Variants in CSNK1G1 observed in about 807,000 individuals in gnomAD.
The protein encoded by CSNK1G1 is casein kinase 1 gamma 1.
CSNK1G1 carries 22 observed loss-of-function variants against 59.6 expected under a neutral mutation model. The observed-to-expected ratio is 0.37, with a 90% CI of 0.26 to 0.53. The LOEUF (loss-of-function observed/expected upper bound fraction) is 0.53. CSNK1G1 is among the 20% of genes least tolerant of loss of function. The pLI is 0.89. For missense variants in CSNK1G1, 384 were observed against 519.5 expected (o/e 0.74, Z 2.54); for synonymous variants, 179 against 177.1 (o/e 1.01, Z -0.08).
chr15:64,322,967 C>G (rs570756668), intron 1 of CSNK1G1, among the ~76,000 whole-genome samples: 6 of 151,798 alleles, frequency 4.0e-5, no homozygotes, highest in African/African-American at 2.4e-5. Context: ...CTCTGTTGCC[C>G]AGGCTGGAGT....
At chr15:64,278,536 C>T (rs1443109796) in intron 2 of CSNK1G1, among the ~76,000 whole-genome samples, 7 of 151,634 alleles carry the variant, frequency 4.6e-5, no homozygotes, top group African/African-American at 1.2e-4. Flanking sequence ...TCAAGCGATT[C>T]GCCTGCCTTA....
At chr15:64,186,897 C>G (rs2140221106) in intron 10 of CSNK1G1, among the ~76,000 whole-genome samples, 1 of 152,166 alleles carries the variant, frequency 6.6e-6, no homozygotes, top group Admixed American at 6.5e-5. Flanking sequence ...GATCTCGGCT[C>G]ACTGCAACCT....
intron 1 of CSNK1G1, among the ~76,000 whole-genome samples, chr15:64,317,775 G>C (rs1225235136): frequency 6.6e-6 from 1 of 152,160 alleles, no homozygotes; most frequent in Non-Finnish European, 1.5e-5. Context: ...TGGGATTATA[G>C]GCGTGAGCCA....
At chr15:64,337,840 A>G (rs957879844) in intron 1 of CSNK1G1, among the ~76,000 whole-genome samples, 2 of 152,100 alleles carry the variant, frequency 1.3e-5, no homozygotes, top group African/African-American at 4.8e-5. Flanking sequence ...GATAACCTCT[A>G]TTCTACTTTG....
Position 64,319,418 on chromosome 15 carries a change from CT to C in CSNK1G1, c.-224-18696del, listed in dbSNP as rs754181670. Reference sequence around the variant, plus strand: ...CTGAGACTATTCAAAGGAAATATACCTTTTTTTTTTTTCCAAAAATGCTTTG... The same window carrying C: ...CTGAGACTATTCAAAGGAAATATACCTTTTTTTTTTTCCAAAAATGCTTTG... On this transcript the variant is annotated intron_variant, in intron 1 of 11. Coordinates refer to ENST00000303052, the MANE Select transcript of CSNK1G1 (RefSeq NM_022048.5). 9.3e-3 allele frequency among the ~76,000 whole-genome samples: 1,361 copies of C among 146,088 alleles called. 23 individuals carry two copies. Among genetic ancestry groups the C allele is most frequent in the African/African-American group, 0.026 (1,060 of 40,134 alleles).
Position 64,251,525 on chromosome 15 carries a change from C to G in CSNK1G1, c.279G>C (p.Gln93His), listed in dbSNP as rs1722874340. 1.2e-6 allele frequency: 2 copies of G among 1,611,248 alleles called. No individual in the cohort carries two copies. The highest frequency in any genetic ancestry group is 8.5e-7 in the Non-Finnish European group (1 of 1,178,068). ...GACTTGACTTACCTGCACTGCCAAG[C>G]TGTTTATAAAATCTGTACTCTAAAT... is the stretch of plus-strand genomic sequence containing the variant. ...QLHLEYRFYK[Q>H]LGSAGEGLPQ... The change falls in exon 4 of 12, where the codon CAG becomes CAC. Residue 93 changes from glutamine to histidine, a missense_variant. Physicochemically the swap from Gln to His is conservative, Grantham distance 24. Transcript: ENST00000303052.
chr15:64,266,712 C>G lies in CSNK1G1; in HGVS notation c.182-7471G>C, dbSNP rs1474745751. Among the ~76,000 whole-genome samples the G allele has an allele frequency of 2.0e-5, 3 of 152,168 alleles. No individual in the cohort carries two copies. The East Asian group carries it at 5.8e-4, about 29-fold the overall frequency. ...TAGAGAACTCAGAAATAAATCTCCA[C>G]ATTTACAGGTAACTGATTTTCGACA... On this transcript the variant is annotated intron_variant, in intron 2 of 11. Transcript: ENST00000303052.
chr15:64,198,898 T>C (rs2082070502), intron 10 of CSNK1G1, among the ~76,000 whole-genome samples: 1 of 151,800 alleles, frequency 6.6e-6, no homozygotes, highest in Non-Finnish European at 1.5e-5. Flanking sequence ...CGTTATAACA[T>C]TTACATCAAC....
intron 4 of CSNK1G1, among the ~76,000 whole-genome samples, chr15:64,232,021 T>G (rs1295712303): frequency 6.6e-6 from 1 of 152,208 alleles, no homozygotes; most frequent in Non-Finnish European, 1.5e-5. Context: ...TGTAGTGTTT[T>G]GTTAGTGAAA....
At chr15:64,215,487 C>A (rs2082300728) in intron 5 of CSNK1G1, among the ~76,000 whole-genome samples, 1 of 152,188 alleles carries the variant, frequency 6.6e-6, no homozygotes, top group Admixed American at 6.5e-5. Flanking sequence ...GCTGGGATTA[C>A]AGGCGTGAGC....
rs1892669211 is a variant in CSNK1G1 at position 64,261,194 on chromosome 15, GA to G, written c.182-1954del. On this transcript the variant is annotated intron_variant, in intron 2 of 11. Coordinates refer to ENST00000303052, the MANE Select transcript of CSNK1G1 (RefSeq NM_022048.5). ...GTAACAAACAGCCAATTCCCAGGCC[GA>G]TTAAAACTTTAATTTGGCCCAGGAC... Among the ~76,000 whole-genome samples, 4 of 152,302 alleles carry G rather than the reference GA, an allele frequency of 2.6e-5. No homozygotes were observed. The East Asian group carries it at 7.7e-4, about 29-fold the overall frequency.
chr15:64,320,205 T>G (rs1209873289), intron 1 of CSNK1G1, among the ~76,000 whole-genome samples: 2 of 151,888 alleles, frequency 1.3e-5, no homozygotes, highest in Non-Finnish European at 2.9e-5. Flanking sequence ...TTTCTTATTC[T>G]CTAGATAATT....
intron 10 of CSNK1G1, among the ~76,000 whole-genome samples, chr15:64,201,743 TGTGTGTG>T (rs879700079): frequency 0.041 from 6,056 of 147,616 alleles, 341 homozygotes; most frequent in African/African-American, 0.14. Flanking sequence ...TGTGTGTGTG[TGTGTGTG>T]TTTATATACT....
intron 1 of CSNK1G1, among the ~76,000 whole-genome samples, chr15:64,326,295 G>A (rs2140448604): frequency 6.6e-6 from 1 of 152,238 alleles, no homozygotes; most frequent in East Asian, 1.9e-4. Flanking sequence ...CAAAGTGCTG[G>A]AATTATAAGT....
intron 11 of CSNK1G1, among the ~76,000 whole-genome samples, chr15:64,173,113 C>T (rs984633025): frequency 2.6e-5 from 4 of 152,202 alleles, no homozygotes; most frequent in Non-Finnish European, 5.9e-5. Context: ...AAAAAACTAT[C>T]TTTGAGTCTC....
At chr15:64,294,637 G>C (rs1894914518) in intron 2 of CSNK1G1, among the ~76,000 whole-genome samples, 2 of 152,148 alleles carry the variant, frequency 1.3e-5, no homozygotes. Flanking sequence ...AGGGCCAGGA[G>C]TGGTGGCTCA....
intron 2 of CSNK1G1, 29 bp downstream of exon 2, chr15:64,300,290 A>C: frequency 1.2e-6 from 2 of 1,601,200 alleles, no homozygotes; most frequent in Non-Finnish European, 1.7e-6. Flanking sequence ...TGTTGTTAGT[A>C]GAAGTCACTG....
chr15:64,240,254 A>T (rs1485164851), intron 4 of CSNK1G1, among the ~76,000 whole-genome samples: 1 of 152,174 alleles, frequency 6.6e-6, no homozygotes, highest in African/African-American at 2.4e-5. Context: ...ACAAAACAAA[A>T]CAAAAATAAT....
chr15:64,177,062 T>A (rs772147233), intron 11 of CSNK1G1, among the ~76,000 whole-genome samples: 5 of 152,202 alleles, frequency 3.3e-5, no homozygotes, highest in Non-Finnish European at 7.3e-5. Context: ...AACAAGGACA[T>A]ATGTCCTGGA....
Sources: gnomAD v4.1 joint callset for allele counts (sites outside exome capture counted in the v4.1 genomes callset) on GRCh38, gnomAD v4.1.1 for gene constraint, MANE v1.5 for transcripts, NCBI Gene and HGNC (gene_info 2026-07-23, HGNC 2026-07-21) for gene names.